Variants in GPATCH2 observed in about 807,000 individuals in gnomAD.
GPATCH2 encodes the protein G patch domain-containing protein 2.
GPATCH2 carries 51 observed loss-of-function variants against 58.0 expected under a neutral mutation model. That is an observed-to-expected ratio of 0.88 (90% CI 0.70 to 1.11). The LOEUF (loss-of-function observed/expected upper bound fraction) is 1.11, where lower values mean the gene tolerates loss of function less well. GPATCH2 is among the 50% of genes most tolerant of loss of function. The probability of loss-of-function intolerance (pLI) is 0.00; values close to 1 mark genes in which losing one functional copy is unlikely to be tolerated. For synonymous variants in GPATCH2, 222 were observed against 218.5 expected, an observed-to-expected ratio of 1.02 and a Z score of -0.14; for missense variants, 625 against 652.2, an observed-to-expected ratio of 0.96 and a Z score of 0.45.
intron 5 of GPATCH2, among the ~76,000 whole-genome samples, chr1:217,585,388 C>T (rs1571965399): frequency 6.6e-6 from 1 of 151,982 alleles, no homozygotes; most frequent in Non-Finnish European, 1.5e-5. Flanking sequence ...TTTGGGAGGC[C>T]GAGGCAGGCA....
chr1:217,504,957 A>G (rs965275310), intron 6 of GPATCH2, among the ~76,000 whole-genome samples: 3 of 152,210 alleles, frequency 2.0e-5, no homozygotes, highest in Non-Finnish European at 4.4e-5. Flanking sequence ...GCAGAGGAAG[A>G]AAAAAATGCT....
At chr1:217,608,753 A>T in intron 5 of GPATCH2, 1 of 982,748 alleles carries the variant, frequency 1.0e-6, no homozygotes, top group Non-Finnish European at 1.2e-6. Context: ...GTAATTCAGA[A>T]AAAAAACATG....
At chr1:217,562,808 AT>A (rs1665994763) in intron 5 of GPATCH2, among the ~76,000 whole-genome samples, 1 of 152,160 alleles carries the variant, frequency 6.6e-6, no homozygotes, top group Non-Finnish European at 1.5e-5. Flanking sequence ...ATACTCTCTA[AT>A]TCATGCAGTT....
chr1:217,492,892 A>G (rs1312643583), intron 7 of GPATCH2, among the ~76,000 whole-genome samples: 1 of 152,206 alleles, frequency 6.6e-6, no homozygotes, highest in South Asian at 2.1e-4. Flanking sequence ...GACCAGTATC[A>G]ATAATTTCTA....
At chr1:217,574,566 C>A (rs1202888050) in intron 5 of GPATCH2, among the ~76,000 whole-genome samples, 1 of 152,102 alleles carries the variant, frequency 6.6e-6, no homozygotes, top group African/African-American at 2.4e-5. Context: ...AAGGAATAAT[C>A]ATAAACCTAA....
chr1:217,531,374 G>A (rs1166967586), intron 5 of GPATCH2, among the ~76,000 whole-genome samples: 1 of 152,126 alleles, frequency 6.6e-6, no homozygotes, highest in Admixed American at 6.5e-5. Context: ...TTTTTCATGA[G>A]AGCTGATTAG....
rs111328435 is a variant in GPATCH2 at position 217,500,845 on chromosome 1, C to T, written c.1167-2450G>A. ...TTATTTTTTTCCTCCTAAAATTTGT[C>T]TTTTTGTTTGCCTGCTAAGTGATTT... is the stretch of plus-strand genomic sequence containing the variant. On this transcript the variant is annotated intron_variant, in intron 6 of 9. Coordinates refer to ENST00000366935, the MANE Select transcript of GPATCH2 (RefSeq NM_018040.5). 3.2e-3 allele frequency among the ~76,000 whole-genome samples: 483 copies of T among 151,856 alleles called. 2 individuals are homozygous for T. The highest frequency in any genetic ancestry group is 0.011 in the African/African-American group (460 of 41,406).
chr1:217,597,020 G>C (rs1371756796), intron 5 of GPATCH2, among the ~76,000 whole-genome samples: 2 of 152,062 alleles, frequency 1.3e-5, no homozygotes, highest in African/African-American at 4.8e-5. Flanking sequence ...ATAGGAATAA[G>C]ATACCAATAG....
At chr1:217,439,582 T>G (rs990729897) in intron 9 of GPATCH2, among the ~76,000 whole-genome samples, 1 of 152,192 alleles carries the variant, frequency 6.6e-6, no homozygotes. Flanking sequence ...ATCCAGGAGC[T>G]GGTTGTTTGA....
chr1:217,604,410 ATAAAAT>A (rs1289655169), intron 5 of GPATCH2, among the ~76,000 whole-genome samples: 1 of 152,142 alleles, frequency 6.6e-6, no homozygotes, highest in African/African-American at 2.4e-5. Flanking sequence ...TTGAAATAAG[ATAAAAT>A]TAATATATAG....
intron 5 of GPATCH2, among the ~76,000 whole-genome samples, chr1:217,525,930 AT>A (rs1231581673): frequency 1.3e-5 from 2 of 152,228 alleles, no homozygotes; most frequent in Non-Finnish European, 2.9e-5. Flanking sequence ...GGTACTCAAA[AT>A]CACATGATCA....
intron 5 of GPATCH2, chr1:217,608,466 T>A: frequency 1.0e-6 from 1 of 985,244 alleles, no homozygotes; most frequent in South Asian, 4.7e-5. Flanking sequence ...GGTTAAGCCA[T>A]GTATCATCAA....
At chr1:217,586,072 T>A (rs1403275988) in intron 5 of GPATCH2, among the ~76,000 whole-genome samples, 2 of 152,170 alleles carry the variant, frequency 1.3e-5, no homozygotes, top group African/African-American at 4.8e-5. Flanking sequence ...TGCTCTGGGT[T>A]AGTGAGTGAG....
intron 3 of GPATCH2, 41 bp downstream of exon 3, chr1:217,614,100 A>T: frequency 9.3e-7 from 1 of 1,078,634 alleles, no homozygotes; most frequent in Non-Finnish European, 1.4e-6. Flanking sequence ...TTTAGAATGA[A>T]GAAGTTTTTC....
intron 7 of GPATCH2, among the ~76,000 whole-genome samples, chr1:217,494,032 T>C (rs1314790665): frequency 3.3e-5 from 5 of 152,204 alleles, no homozygotes; most frequent in African/African-American, 1.2e-4. Flanking sequence ...CATTAGGTTG[T>C]ATCTACTAGG....
chr1:217,617,439 T>C (rs1337030109), intron 2 of GPATCH2, among the ~76,000 whole-genome samples: 1 of 152,218 alleles, frequency 6.6e-6, no homozygotes, highest in Admixed American at 6.5e-5. Context: ...TATCCCAGAC[T>C]ATGCAGCTGT....
chr1:217,442,015 T>C (rs916729240), intron 9 of GPATCH2, among the ~76,000 whole-genome samples: 2 of 152,224 alleles, frequency 1.3e-5, no homozygotes, highest in African/African-American at 4.8e-5. Flanking sequence ...GGAATATAAA[T>C]CATTCTACTA....
chr1:217,430,033 T>G lies in GPATCH2; in HGVS notation c.*1112A>C, dbSNP rs1658462083. ...TAAAGATCTTCTAAACTAAAAGCAA[T>G]TTAGAATTTCTGATACTATGAAGCA... On this transcript the variant is annotated 3_prime_UTR_variant, in exon 10 of 10. Transcript: ENST00000366935. 6.6e-6 allele frequency: 1 copy of G among 152,108 alleles called. No homozygotes were observed. Among genetic ancestry groups the G allele is most frequent in the African/African-American group, 2.4e-5 (1 of 41,416 alleles). 9.4% of individuals were successfully genotyped at this position (152,108 alleles called of 1,614,324 possible).
At chr1:217,505,971 T>A (rs1662536058) in intron 6 of GPATCH2, among the ~76,000 whole-genome samples, 1 of 152,198 alleles carries the variant, frequency 6.6e-6, no homozygotes, top group South Asian at 2.1e-4. Flanking sequence ...TACAGGCATG[T>A]GCCACCACGC....
Sources: gnomAD v4.1 joint callset for allele counts (sites outside exome capture counted in the v4.1 genomes callset) on GRCh38, gnomAD v4.1.1 for gene constraint, MANE v1.5 for transcripts, NCBI Gene and HGNC (gene_info 2026-07-23, HGNC 2026-07-21) for gene names.